Variants in NME7 observed in about 807,000 individuals in gnomAD.
NME7 encodes the protein NME/NM23 family member 7.
A neutral mutation model predicts 49.1 loss-of-function variants in NME7; 41 were observed. The ratio of observed to expected loss-of-function variants is 0.83; its 90% CI spans 0.65 to 1.08. The LOEUF is 1.08. Ranked by LOEUF, NME7 falls within the 50% of genes least tolerant of loss-of-function variation. The pLI is 0.00. For synonymous variants in NME7, 139 were observed against 150.6 expected, an observed-to-expected ratio of 0.92 and a Z score of 0.56; for missense variants, 423 against 463.4, an observed-to-expected ratio of 0.91 and a Z score of 0.80.
chr1:169,342,102 G>C (rs1018744958), intron 1 of NME7, among the ~76,000 whole-genome samples: 2 of 152,136 alleles, frequency 1.3e-5, no homozygotes, highest in African/African-American at 2.4e-5. Context: ...GAATAATATG[G>C]TTTGGCTCTG....
At chr1:169,195,491 G>A (rs1396906678) in intron 10 of NME7, among the ~76,000 whole-genome samples, 2 of 152,126 alleles carry the variant, frequency 1.3e-5, no homozygotes, top group Non-Finnish European at 2.9e-5. Flanking sequence ...GGGATTATAG[G>A]CATGAGCCAC....
chr1:169,169,546 G>A lies in NME7; in HGVS notation c.999C>T (p.Ala333=), dbSNP rs1459113319. The A allele has an allele frequency of 6.2e-7, 1 of 1,613,614 alleles. No individual in the cohort carries two copies. Among genetic ancestry groups the A allele is most frequent in the East Asian group, 2.2e-5 (1 of 44,860 alleles). ...TGAGAGTTCCAGGGCGTAAATGCCG[G>A]GCAATTTCCTATTAAACATACATTC... is the stretch of plus-strand genomic sequence containing the variant. ...EFCGPADPEI[A]RHLRPGTLRA... The change falls in exon 11 of 12, where the codon GCC becomes GCT. Residue 333 remains alanine (A), a synonymous_variant. Transcript: ENST00000367811.
chr1:169,345,524 C>T (rs1218529927), intron 1 of NME7, among the ~76,000 whole-genome samples: 13 of 152,126 alleles, frequency 8.5e-5, no homozygotes, highest in Non-Finnish European at 1.5e-5. Flanking sequence ...AACCATCACA[C>T]TCTGCCTTTT....
At chr1:169,251,388 T>C (rs1228471507) in intron 7 of NME7, among the ~76,000 whole-genome samples, 1 of 152,054 alleles carries the variant, frequency 6.6e-6, no homozygotes, top group East Asian at 1.9e-4. Context: ...GGTGAGTCTC[T>C]TGAAGACAGT....
Position 169,316,490 on chromosome 1 carries a change from TATAA to T in NME7, c.279-6414_279-6411del, listed in dbSNP as rs576979286. The stretch of plus-strand genomic sequence containing the variant: ...TGTCCACATTATAATCTCCAGAACG[TATAA>T]ATATATTACCTCACCTGCCAAAAAG... On this transcript the variant is annotated intron_variant, in intron 3 of 11. Transcript: ENST00000367811. Among the ~76,000 whole-genome samples the T allele has an allele frequency of 4.9e-4, 75 of 152,296 alleles. No individual in the cohort carries two copies. The South Asian group carries it at 5.0e-3, about 10-fold the overall frequency.
chr1:169,175,668 G>A (rs1659729254), intron 10 of NME7, among the ~76,000 whole-genome samples: 2 of 152,152 alleles, frequency 1.3e-5, no homozygotes, highest in Non-Finnish European at 1.5e-5. Flanking sequence ...GTGCATGACT[G>A]TAATGAGTAG....
At chr1:169,365,405 T>C (rs1653813808) in intron 1 of NME7, among the ~76,000 whole-genome samples, 1 of 152,190 alleles carries the variant, frequency 6.6e-6, no homozygotes. Flanking sequence ...CGTTGGCCTG[T>C]AATAGGAGAA....
intron 10 of NME7, among the ~76,000 whole-genome samples, chr1:169,186,236 T>C (rs1359988238): frequency 6.6e-6 from 1 of 152,106 alleles, no homozygotes; most frequent in Non-Finnish European, 1.5e-5. Flanking sequence ...CTTCATTAGG[T>C]TGAGAATTGA....
chr1:169,256,974 A>T (rs572462496), intron 7 of NME7, among the ~76,000 whole-genome samples: 2 of 126,256 alleles, frequency 1.6e-5, no homozygotes, highest in African/African-American at 5.3e-5. Flanking sequence ...CAAAGCTGTC[A>T]GACAGCGACA....
chr1:169,175,591 T>C (rs973149007), intron 10 of NME7, among the ~76,000 whole-genome samples: 1 of 152,128 alleles, frequency 6.6e-6, no homozygotes, highest in Non-Finnish European at 1.5e-5. Context: ...ATTTTTCAGC[T>C]CCATTATAAT....
Position 169,147,067 on chromosome 1 carries a change from C to A in NME7, c.1099-14250G>T, listed in dbSNP as rs567129728. ...CAGGGGCACGTGACCTTCTCTCATC[C>A]CCCTCAAGAACTCAAAGGCCTCTTG... On this transcript the variant is annotated intron_variant, in intron 11 of 11. Coordinates refer to ENST00000367811, the MANE Select transcript of NME7 (RefSeq NM_013330.5). 3.3e-5 allele frequency among the ~76,000 whole-genome samples: 5 copies of A among 152,238 alleles called. No individual in the cohort carries two copies. The South Asian group carries it at 1.0e-3, about 32-fold the overall frequency.
chr1:169,316,081 T>A (rs1319060112), intron 3 of NME7, among the ~76,000 whole-genome samples: 2 of 151,786 alleles, frequency 1.3e-5, no homozygotes, highest in African/African-American at 2.4e-5. Flanking sequence ...AAATGAAGAA[T>A]AACAAGAAGA....
chr1:169,234,769 T>C (rs151185507), intron 9 of NME7, among the ~76,000 whole-genome samples: 306 of 152,208 alleles, frequency 2.0e-3, no homozygotes, highest in African/African-American at 7.0e-3. Flanking sequence ...TGCAGGCTGG[T>C]TGCAATGAAT....
At chr1:169,256,841 C>T in intron 7 of NME7, among the ~76,000 whole-genome samples, 1 of 132,634 alleles carries the variant, frequency 7.5e-6, no homozygotes. Context: ...TGTCAGTGTG[C>T]TCTTGCTGGG....
intron 11 of NME7, among the ~76,000 whole-genome samples, chr1:169,160,271 T>C (rs1659205997): frequency 6.6e-6 from 1 of 152,156 alleles, no homozygotes; most frequent in African/African-American, 2.4e-5. Flanking sequence ...TCCTCAATTA[T>C]CTTTCCTCAT....
At chr1:169,299,205 A>T (rs1046179724) in intron 5 of NME7, among the ~76,000 whole-genome samples, 2 of 152,090 alleles carry the variant, frequency 1.3e-5, no homozygotes, top group African/African-American at 4.8e-5. Flanking sequence ...TTTTGTGTAA[A>T]ACTATTAGAA....
chr1:169,316,729 G>A (rs999951575), intron 3 of NME7, among the ~76,000 whole-genome samples: 4 of 152,302 alleles, frequency 2.6e-5, no homozygotes, highest in African/African-American at 9.6e-5. Context: ...ACCAAGGAAT[G>A]TGGATGGCTT....
chr1:169,327,994 T>C (rs539176692), intron 1 of NME7, among the ~76,000 whole-genome samples: 1 of 152,340 alleles, frequency 6.6e-6, no homozygotes, highest in African/African-American at 2.4e-5. Flanking sequence ...ATTCCATTCC[T>C]GATGATACTA....
At chr1:169,288,104 T>A (rs1467634037) in intron 6 of NME7, among the ~76,000 whole-genome samples, 1 of 152,170 alleles carries the variant, frequency 6.6e-6, no homozygotes, top group Non-Finnish European at 1.5e-5. Context: ...CTCCAAAGAA[T>A]CTTACCAATG....
Sources: gnomAD v4.1 joint callset for allele counts (sites outside exome capture counted in the v4.1 genomes callset) on GRCh38, gnomAD v4.1.1 for gene constraint, MANE v1.5 for transcripts, NCBI Gene and HGNC (gene_info 2026-07-23, HGNC 2026-07-21) for gene names.